CHRNB1: variants seen among roughly 807,000 people sequenced by gnomAD.
CHRNB1 encodes the protein cholinergic receptor nicotinic beta 1 subunit.
Under a neutral mutation model 53.8 loss-of-function variants are expected in CHRNB1, and 47 were observed. The observed-to-expected ratio is 0.87, with a 90% CI of 0.69 to 1.11. CHRNB1 has a LOEUF of 1.11. Among genes scored for constraint, CHRNB1 ranks in the 50% most tolerant of loss-of-function variants. The pLI is 0.00. For synonymous variants in CHRNB1, 259 were observed against 263.5 expected (o/e 0.98, Z 0.16); for missense variants, 605 against 654.9 (o/e 0.92, Z 0.83).
In CHRNB1 at chr17:7,454,458, G is replaced by A. The variant is rs865958957; in HGVS notation, c.982G>A (p.Val328Met). The A allele has an allele frequency of 1.9e-6, 3 of 1,613,964 alleles. No homozygotes were observed. The highest frequency in any genetic ancestry group is 1.3e-5 in the African/African-American group (1 of 74,942). Residue 328 changes from valine to methionine, a missense_variant, in exon 8 of 11, where the codon GTG (valine) becomes ATG (methionine). Val to Met is a conservative substitution (Grantham distance 21). Coordinates refer to ENST00000306071, the MANE Select transcript of CHRNB1 (RefSeq NM_000747.3). ...CACCTTCTCAGTCATCCTTAGTGTC[G>A]TGGTTCTCAACCTGCACCACCGCTC... ...LVTFSVILSVVVLNLHHRSPH... is the reference protein window; with the variant it reads ...LVTFSVILSVMVLNLHHRSPH...
chr17:7,446,714 C>T (rs1329524468), intron 3 of CHRNB1, 119 bp from the exon 4 acceptor site: 1 of 761,148 alleles, frequency 1.3e-6, no homozygotes, highest in Non-Finnish European at 2.2e-6. Flanking sequence ...GCCCCTTGAC[C>T]CACAGTTTAT....
Position 7,447,033 on chromosome 17 carries a change from T to C in CHRNB1, c.354-10T>C. On this transcript the variant is annotated splice_polypyrimidine_tract_variant and intron_variant, in intron 4 of 10. Coordinates refer to ENST00000306071, the MANE Select transcript of CHRNB1 (RefSeq NM_000747.3). ...GGGGCCTGATCCCTGATGAGATCCCTTCTCTGCAGCAATGATGGGAATTTT... is the reference window on the plus strand; with the variant it reads ...GGGGCCTGATCCCTGATGAGATCCCCTCTCTGCAGCAATGATGGGAATTTT... 6.2e-7 allele frequency: 1 copy of C among 1,613,146 alleles called. No individual in the cohort carries two copies. Among genetic ancestry groups the C allele is most frequent in the Non-Finnish European group, 8.5e-7 (1 of 1,179,076 alleles).
At chr17:7,447,902 C>T (rs561121218) in intron 6 of CHRNB1, among the ~76,000 whole-genome samples, 3 of 151,810 alleles carry the variant, frequency 2.0e-5, no homozygotes, top group Non-Finnish European at 2.9e-5. Context: ...GGTGAAACCC[C>T]GTCTCTACTA....
At chr17:7,449,894 A>C (rs1388109621) in intron 7 of CHRNB1, among the ~76,000 whole-genome samples, 2 of 151,758 alleles carry the variant, frequency 1.3e-5, no homozygotes, top group Non-Finnish European at 2.9e-5. Flanking sequence ...AACACAAAAA[A>C]TTAGCCAGGT....
chr17:7,446,135 G>T (rs939834165), intron 3 of CHRNB1, 22 bp downstream of exon 3: 2 of 1,606,214 alleles, frequency 1.2e-6, no homozygotes, highest in Non-Finnish European at 1.7e-6. Flanking sequence ...CCACGGGGTG[G>T]GAAAGGGCTT....
In CHRNB1 at chr17:7,455,801, C is replaced by A; in HGVS notation, c.1225C>A (p.Pro409Thr). 6.2e-7 allele frequency: 1 copy of A among 1,614,174 alleles called. No homozygotes were observed. Among genetic ancestry groups the A allele is most frequent in the Non-Finnish European group, 8.5e-7 (1 of 1,180,026 alleles). ...FLFPKPNRFQPELSAPDLRRF... is the reference protein window; with the variant it reads ...FLFPKPNRFQTELSAPDLRRF... ...CAGTCACTCCTCTTCCAGGTTCCAG[C>A]CTGAACTGTCTGCCCCTGATCTGCG... Residue 409 changes from proline to threonine, a missense_variant, in exon 10 of 11, where the codon CCT becomes ACT. Transcript: ENST00000306071.
chr17:7,447,396 C>A, intron 5 of CHRNB1, 107 bp from the exon 6 acceptor site: 1 of 1,371,378 alleles, frequency 7.3e-7, no homozygotes, highest in Non-Finnish European at 1.0e-6. Context: ...CATAACCCTC[C>A]AATTCCTCCA....
intron 7 of CHRNB1, among the ~76,000 whole-genome samples, chr17:7,450,045 AAATAAATAAAT>A (rs1908828522): frequency 2.2e-5 from 2 of 92,648 alleles, no homozygotes; most frequent in Non-Finnish European, 4.2e-5. Flanking sequence ...CTCAAAAAAT[AAATAAATAAAT>A]AAATAAATAA....
In CHRNB1 at chr17:7,456,702, C is replaced by T; in HGVS notation, c.1485C>T (p.Pro495=). 1 of 1,614,160 alleles carries T rather than the reference C, an allele frequency of 6.2e-7. No homozygotes were observed. Among genetic ancestry groups the T allele is most frequent in the African/African-American group, 1.3e-5 (1 of 75,016 alleles). The change falls in exon 11 of 11, where the codon CCC becomes CCT. Residue 495 remains proline, a synonymous_variant. Coordinates refer to ENST00000306071, the MANE Select transcript of CHRNB1 (RefSeq NM_000747.3). The part of the protein sequence containing the change: ...VIFLDATYHL[P]PPDPFP Reference sequence around the variant, plus strand: ...TCCTGGACGCCACGTACCACTTGCCCCCTCCAGACCCCTTTCCTTGAAGAC... The same window carrying T: ...TCCTGGACGCCACGTACCACTTGCCTCCTCCAGACCCCTTTCCTTGAAGAC...
At position 7,455,355 on chromosome 17, in the gene CHRNB1, GC is replaced by G; in HGVS notation, c.1121del (p.Pro374LeufsTer83). The G allele has an allele frequency of 6.2e-7, 1 of 1,614,140 alleles. No individual in the cohort carries two copies. Among genetic ancestry groups the G allele is most frequent in the Non-Finnish European group, 8.5e-7 (1 of 1,180,038 alleles). On this transcript the variant is annotated frameshift_variant, in exon 9 of 11. Coordinates refer to ENST00000306071, the MANE Select transcript of CHRNB1 (RefSeq NM_000747.3). LOFTEE classifies it high-confidence loss of function. ...AACCCGAGAGAGACCTGATGCCGGAGCCCCCTCACTGTTCTTCTCCAGGAAG... is the reference window on the plus strand; with the variant it reads ...AACCCGAGAGAGACCTGATGCCGGAGCCCCTCACTGTTCTTCTCCAGGAAG... Reference protein sequence around the residue: ...PKPERDLMPEPPHCSSPGSGW... With the variant: ...PKPERDLMPEXPHCSSPGSGW...
chr17:7,445,774 T>C lies in CHRNB1; in HGVS notation c.199-295T>C. The stretch of plus-strand genomic sequence containing the variant: ...GTCAATAAATGGCAGCGGGTGGAGG[T>C]TCGGGGCTGGGTGGATTATGAGCTG... On this transcript the variant is annotated intron_variant, in intron 2 of 10. Transcript: ENST00000306071. The surrounding 1 kb of genome is among the most constrained non-coding windows in gnomAD (Gnocchi z 5.7). 1 of 648,308 alleles carries C rather than the reference T, an allele frequency of 1.5e-6. No individual in the cohort carries two copies. The highest frequency in any genetic ancestry group is 2.6e-6 in the Non-Finnish European group (1 of 385,762). 40.2% of individuals were successfully genotyped at this position (648,308 alleles called of 1,614,324 possible).
Position 7,448,715 on chromosome 17 carries a change from G to C in CHRNB1, c.747G>C (p.Leu249=). 2.5e-6 allele frequency: 4 copies of C among 1,614,162 alleles called. No homozygotes were observed. The highest frequency in any genetic ancestry group is 3.4e-6 in the Non-Finnish European group (4 of 1,180,044). ...LIIRRKPLFY[L]VNVIAPCILI... ...TCCGCCGCAAGCCTCTCTTCTACCTGGTCAACGTCATTGCCCCATGCATCC... is the reference window on the plus strand; with the variant it reads ...TCCGCCGCAAGCCTCTCTTCTACCTCGTCAACGTCATTGCCCCATGCATCC... The change falls in exon 7 of 11, where the codon CTG becomes CTC. Residue 249 remains leucine, a synonymous_variant. Coordinates refer to ENST00000306071, the MANE Select transcript of CHRNB1 (RefSeq NM_000747.3).
chr17:7,447,666 T>G lies in CHRNB1; in HGVS notation c.610+16T>G, dbSNP rs372450105. The G allele has an allele frequency of 6.2e-7, 1 of 1,614,120 alleles. No individual in the cohort carries two copies. Among genetic ancestry groups the G allele is most frequent in the South Asian group, 1.1e-5 (1 of 91,080 alleles). On this transcript the variant is annotated intron_variant, in intron 6 of 10. Transcript: ENST00000306071. ...ACTTTCATTGGTGAGTAGGCATGGCTCCTACATCCATGGGCTCTATCATTT... is the reference window on the plus strand; with the variant it reads ...ACTTTCATTGGTGAGTAGGCATGGCGCCTACATCCATGGGCTCTATCATTT...
At chr17:7,452,705 C>T (rs1375648619) in intron 7 of CHRNB1, among the ~76,000 whole-genome samples, 1 of 152,194 alleles carries the variant, frequency 6.6e-6, no homozygotes, top group Non-Finnish European at 1.5e-5. Flanking sequence ...CTGCCTAATC[C>T]GTTGCTTAAT....
Position 7,448,335 on chromosome 17 carries a change from G to A in CHRNB1, c.611-244G>A, listed in dbSNP as rs182509610. ...TGGGAGGCGGAGGTTGCAGTGAGCC[G>A]AGATCACGCCACTGCACTCCAACCT... On this transcript the variant is annotated intron_variant, in intron 6 of 10. Transcript: ENST00000306071. 1.1e-3 allele frequency among the ~76,000 whole-genome samples: 171 copies of A among 152,224 alleles called. 1 individual carries two copies. Among genetic ancestry groups the A allele is most frequent in the Non-Finnish European group, 2.0e-3 (139 of 68,008 alleles).
At position 7,447,112 on chromosome 17, in the gene CHRNB1, G is replaced by C. The variant is rs1355601445; in HGVS notation, c.423G>C (p.Trp141Cys). ...TGTCCTCCGACGGCTCCGTGCGTTG[G>C]CAACCCCCGGGCATCTATCGCAGCA... ...VVVSSDGSVR[W>C]QPPGIYRSSC... is the part of the protein sequence containing the mutation. Residue 141 changes from tryptophan (W) to cysteine (C), a missense_variant, in exon 5 of 11, where the codon TGG becomes TGC. Trp to Cys is a radical substitution (Grantham distance 215, BLOSUM62 -2). Coordinates refer to ENST00000306071, the MANE Select transcript of CHRNB1 (RefSeq NM_000747.3). 1 of 1,614,104 alleles carries C rather than the reference G, an allele frequency of 6.2e-7. No individual in the cohort carries two copies. The highest frequency in any genetic ancestry group is 8.5e-7 in the Non-Finnish European group (1 of 1,180,016).
At position 7,445,789 on chromosome 17, in the gene CHRNB1, A is replaced by T; in HGVS notation, c.199-280A>T. ...CGGGTGGAGGTTCGGGGCTGGGTGG[A>T]TTATGAGCTGAAGGCAGGGCCGGGG... On this transcript the variant is annotated intron_variant, in intron 2 of 10. Coordinates refer to ENST00000306071, the MANE Select transcript of CHRNB1 (RefSeq NM_000747.3). The surrounding 1 kb of genome is among the most constrained non-coding windows in gnomAD (Gnocchi z 5.7). 2 of 631,634 alleles carry T rather than the reference A, an allele frequency of 3.2e-6. No homozygotes were observed. Among genetic ancestry groups the T allele is most frequent in the East Asian group, 5.6e-5 (2 of 35,552 alleles). 39.1% of individuals were successfully genotyped at this position (631,634 alleles called of 1,614,324 possible). A position where few individuals can be genotyped will look rare whatever the true frequency, so the allele number is the denominator to read the frequency against.
At chr17:7,450,037 C>CAAAA (rs1167159477) in intron 7 of CHRNB1, among the ~76,000 whole-genome samples, 5 of 97,710 alleles carry the variant, frequency 5.1e-5, no homozygotes, top group African/African-American at 2.1e-4. Context: ...GACTCTGTCT[C>CAAAA]AAAAAATAAA....
At chr17:7,450,830 A>G (rs900302461) in intron 7 of CHRNB1, among the ~76,000 whole-genome samples, 2 of 152,156 alleles carry the variant, frequency 1.3e-5, no homozygotes, top group African/African-American at 4.8e-5. Flanking sequence ...TGATTCAGAG[A>G]CCTGATATCC....
Sources: gnomAD v4.1 joint callset for allele counts (sites outside exome capture counted in the v4.1 genomes callset) on GRCh38, gnomAD v4.1.1 for gene constraint, Gnocchi (gnomAD v3.1) non-coding constraint, MANE v1.5 for transcripts, NCBI Gene and HGNC (gene_info 2026-07-23, HGNC 2026-07-21) for gene names.